OXCT1: variants seen among roughly 807,000 people sequenced by gnomAD.
The protein encoded by OXCT1 is 3-oxoacid CoA-transferase 1.
OXCT1 carries 27 observed loss-of-function variants against 69.6 expected under a neutral mutation model. The ratio of observed to expected loss-of-function variants is 0.39; its 90% CI spans 0.29 to 0.54. The LOEUF (loss-of-function observed/expected upper bound fraction) is 0.54. OXCT1 is among the 20% of genes least tolerant of loss of function. The probability of loss-of-function intolerance (pLI) is 0.72; values close to 1 mark genes in which losing one functional copy is unlikely to be tolerated. For synonymous variants in OXCT1, 202 were observed against 217.8 expected, an observed-to-expected ratio of 0.93 and a Z score of 0.64; for missense variants, 437 against 650.2, an observed-to-expected ratio of 0.67 and a Z score of 3.57.
chr5:41,798,907 A>G (rs1271524810), intron 11 of OXCT1, among the ~76,000 whole-genome samples: 1 of 152,180 alleles, frequency 6.6e-6, no homozygotes, highest in Non-Finnish European at 1.5e-5. Flanking sequence ...GAGACTGGGT[A>G]TGAACTCAGT....
At chr5:41,780,570 G>A (rs1215964148) in intron 13 of OXCT1, among the ~76,000 whole-genome samples, 1 of 151,496 alleles carries the variant, frequency 6.6e-6, no homozygotes, top group Non-Finnish European at 1.5e-5. Flanking sequence ...TCAGATAAGA[G>A]AATTGTGTAG....
At chr5:41,806,185 T>C (rs1437789122) in intron 8 of OXCT1, among the ~76,000 whole-genome samples, 1 of 152,080 alleles carries the variant, frequency 6.6e-6, no homozygotes, top group Non-Finnish European at 1.5e-5. Context: ...GGAAACTATT[T>C]CCTCTATTAA....
intron 16 of OXCT1, among the ~76,000 whole-genome samples, chr5:41,735,831 G>A (rs1459898727): frequency 6.6e-6 from 1 of 152,154 alleles, no homozygotes; most frequent in African/African-American, 2.4e-5. Flanking sequence ...GTGAAACTCA[G>A]CATGACTCTT....
intron 16 of OXCT1, among the ~76,000 whole-genome samples, chr5:41,736,667 T>C (rs1314913825): frequency 6.6e-6 from 1 of 152,210 alleles, no homozygotes. Context: ...ATAATGTAGC[T>C]TTTGCCCATT....
At chr5:41,763,249 G>A (rs1035733644) in intron 13 of OXCT1, among the ~76,000 whole-genome samples, 1 of 152,070 alleles carries the variant, frequency 6.6e-6, no homozygotes, top group Non-Finnish European at 1.5e-5. Context: ...AAGAAAAGAA[G>A]TAGTCACCAC....
intron 14 of OXCT1, among the ~76,000 whole-genome samples, chr5:41,753,987 A>C (rs1743936823): frequency 6.6e-6 from 1 of 152,088 alleles, no homozygotes; most frequent in Admixed American, 6.6e-5. Context: ...AGACAGATAA[A>C]GGTGTGATAA....
chr5:41,744,443 G>T (rs1190037603), intron 15 of OXCT1, among the ~76,000 whole-genome samples: 1 of 152,046 alleles, frequency 6.6e-6, no homozygotes, highest in African/African-American at 2.4e-5. Context: ...TTTCCTAATT[G>T]AATACCCTTT....
intron 13 of OXCT1, among the ~76,000 whole-genome samples, chr5:41,781,890 A>G (rs959565807): frequency 1.3e-5 from 2 of 152,180 alleles, no homozygotes; most frequent in African/African-American, 4.8e-5. Flanking sequence ...TGTCTTTACT[A>G]TTGTGAACAG....
intron 14 of OXCT1, among the ~76,000 whole-genome samples, chr5:41,751,658 T>C (rs1484802835): frequency 6.6e-6 from 1 of 152,160 alleles, no homozygotes; most frequent in African/African-American, 2.4e-5. Flanking sequence ...CTGTTTTTAA[T>C]ACAATCCATA....
At chr5:41,867,302 G>A (rs1429943181) in intron 1 of OXCT1, among the ~76,000 whole-genome samples, 3 of 152,126 alleles carry the variant, frequency 2.0e-5, no homozygotes, top group Non-Finnish European at 2.9e-5. Flanking sequence ...ACAAAATACT[G>A]GGGCTACAAA....
intron 15 of OXCT1, among the ~76,000 whole-genome samples, chr5:41,745,115 C>T (rs1437617366): frequency 6.6e-6 from 1 of 152,070 alleles, no homozygotes; most frequent in Non-Finnish European, 1.5e-5. Context: ...CAGCACCACA[C>T]CACACCTATT....
Position 41,731,755 on chromosome 5 carries a change from T to A in OXCT1, c.1537A>T (p.Met513Leu), listed in dbSNP as rs1286858759. The change falls in exon 17 of 17, where the codon ATG (methionine) becomes TTG (leucine). Residue 513 changes from methionine (M) to leucine (L), a missense_variant. Coordinates refer to ENST00000196371, the MANE Select transcript of OXCT1 (RefSeq NM_000436.4). ...GCDFAVSPKL[M>L]PMQQIAN Reference sequence around the variant, plus strand: ...CAATTTGCGATCTGCTGCATTGGCATGAGTTTTGGTGAAACCTGGTAAAAG... The same window carrying A: ...CAATTTGCGATCTGCTGCATTGGCAAGAGTTTTGGTGAAACCTGGTAAAAG... 6.2e-7 allele frequency: 1 copy of A among 1,610,148 alleles called. No individual in the cohort carries two copies.
At position 41,860,871 on chromosome 5, in the gene OXCT1, A is replaced by C. The variant is rs185879918; in HGVS notation, c.278+443T>G. On this transcript the variant is annotated intron_variant, in intron 3 of 16. Coordinates refer to ENST00000196371, the MANE Select transcript of OXCT1 (RefSeq NM_000436.4). ...TGTGATTAATGGTATCCCTTTATTT[A>C]TGATCTAGAATGATGGCATTGCTAA... 6.6e-5 allele frequency among the ~76,000 whole-genome samples: 10 copies of C among 152,164 alleles called. No individual in the cohort carries two copies. In the East Asian group the frequency reaches 9.6e-4, roughly 15 times the overall value.
At chr5:41,797,007 C>T (rs547153941) in intron 11 of OXCT1, among the ~76,000 whole-genome samples, 17 of 152,292 alleles carry the variant, frequency 1.1e-4, no homozygotes, top group African/African-American at 3.6e-4. Flanking sequence ...ACAGGCATAA[C>T]ACAACTAAAC....
intron 7 of OXCT1, among the ~76,000 whole-genome samples, chr5:41,823,083 G>A (rs1172546964): frequency 1.3e-5 from 2 of 151,922 alleles, no homozygotes; most frequent in Middle Eastern, 6.8e-3. Flanking sequence ...TGTTACACTT[G>A]AGTTTGCAAT....
chr5:41,769,766 CTTA>C (rs1310673696), intron 13 of OXCT1, among the ~76,000 whole-genome samples: 1 of 151,912 alleles, frequency 6.6e-6, no homozygotes, highest in African/African-American at 2.4e-5. Flanking sequence ...TATCATCTTG[CTTA>C]TTATTATTAC....
intron 5 of OXCT1, among the ~76,000 whole-genome samples, chr5:41,845,801 T>C (rs1748869485): frequency 6.6e-6 from 1 of 152,186 alleles, no homozygotes; most frequent in Non-Finnish European, 1.5e-5. Flanking sequence ...TACAGTTCAT[T>C]TTAACAATTA....
intron 2 of OXCT1, among the ~76,000 whole-genome samples, chr5:41,861,630 G>A (rs1749744340): frequency 6.6e-6 from 1 of 152,164 alleles, no homozygotes; most frequent in Non-Finnish European, 1.5e-5. Flanking sequence ...TGAACCACAA[G>A]TATAAGCCAA....
intron 15 of OXCT1, among the ~76,000 whole-genome samples, chr5:41,745,951 A>G (rs1179124051): frequency 6.6e-6 from 1 of 152,176 alleles, no homozygotes; most frequent in Non-Finnish European, 1.5e-5. Context: ...ATGGATTCAC[A>G]GCCGAATTCT....
Sources: allele counts gnomAD v4.1 joint callset (sites outside exome capture counted in the v4.1 genomes callset), GRCh38; gene constraint gnomAD v4.1.1; transcripts MANE v1.5; gene names NCBI Gene and HGNC (gene_info 2026-07-23, HGNC 2026-07-21).